RERE: variants seen among roughly 807,000 people sequenced by gnomAD.
RERE encodes arginine-glutamic acid dipeptide repeats protein.
In RERE, 40 loss-of-function variants were observed where a neutral mutation model predicts 146.1. The ratio of observed to expected loss-of-function variants is 0.27; its 90% CI spans 0.21 to 0.36. The LOEUF is 0.36. RERE is among the 10% of genes least tolerant of loss of function. RERE has a pLI of 1.00. For synonymous variants in RERE, 1,003 were observed against 866.0 expected (o/e 1.16, Z -2.78); for missense variants, 1,933 against 2,138.7 (o/e 0.90, Z 1.90).
intron 12 of RERE, among the ~76,000 whole-genome samples, chr1:8,406,147 G>A (rs970099167): frequency 4.6e-5 from 7 of 152,126 alleles, no homozygotes; most frequent in Non-Finnish European, 1.0e-4. Flanking sequence ...TCCCAGGCTG[G>A]AGCGCAGTGG....
chr1:8,443,459 GAAAAAAA>G (rs144499944), intron 11 of RERE, among the ~76,000 whole-genome samples: 36 of 112,780 alleles, frequency 3.2e-4, no homozygotes, highest in Non-Finnish European at 5.8e-4. Context: ...CTCAAAAAAA[GAAAAAAA>G]AAAAAAAAAA....
At chr1:8,553,059 C>T (rs1247954669) in intron 6 of RERE, among the ~76,000 whole-genome samples, 3 of 151,542 alleles carry the variant, frequency 2.0e-5, no homozygotes, top group East Asian at 3.9e-4. Context: ...CGTGACACAC[C>T]AGTAGGCCAG....
intron 1 of RERE, among the ~76,000 whole-genome samples, chr1:8,733,490 GCT>G (rs1172774081): frequency 6.6e-6 from 1 of 152,172 alleles, no homozygotes; most frequent in African/African-American, 2.4e-5. Context: ...CTTTCACCTT[GCT>G]CTTATATGAA....
intron 12 of RERE, among the ~76,000 whole-genome samples, chr1:8,388,758 T>C (rs1229640685): frequency 1.4e-5 from 2 of 145,598 alleles, no homozygotes; most frequent in South Asian, 2.2e-4. Context: ...GTCAAATATA[T>C]TCCAATTCTG....
intron 4 of RERE, among the ~76,000 whole-genome samples, chr1:8,587,141 C>A (rs111668520): frequency 6.6e-6 from 1 of 152,094 alleles, no homozygotes; most frequent in Non-Finnish European, 1.5e-5. Context: ...AACAGCAAGT[C>A]GAAAACCAGG....
intron 1 of RERE, among the ~76,000 whole-genome samples, chr1:8,731,776 GTTT>G (rs78465959): frequency 3.8e-4 from 56 of 146,798 alleles, no homozygotes; most frequent in African/African-American, 9.4e-4. Context: ...TAAACATAAT[GTTT>G]TTTTGTTTGT....
rs115134139 is a variant in RERE, at chr1:8,481,737, A to C, written c.1104+13326T>G. Among the ~76,000 whole-genome samples, 1,308 of 152,358 alleles carry C rather than the reference A, an allele frequency of 8.6e-3. 20 individuals are homozygous for C. Among genetic ancestry groups the C allele is most frequent in the African/African-American group, 0.03 (1,229 of 41,582 alleles). On this transcript the variant is annotated intron_variant, in intron 10 of 22. Coordinates refer to ENST00000400908, the MANE Select transcript of RERE (RefSeq NM_001042681.2). ...AGGTCCTATGACTGGCTCAAAATTC[A>C]GTGGAAAAGCTCAGGGTGGGAAAGA...
At chr1:8,535,174 A>C (rs1645709100) in intron 7 of RERE, among the ~76,000 whole-genome samples, 1 of 152,210 alleles carries the variant, frequency 6.6e-6, no homozygotes, top group Admixed American at 6.5e-5. Flanking sequence ...AATAACGCAA[A>C]CTGAGGGACA....
chr1:8,433,601 C>G (rs1243901524), intron 11 of RERE, among the ~76,000 whole-genome samples: 3 of 141,650 alleles, frequency 2.1e-5, no homozygotes, highest in African/African-American at 8.3e-5. Context: ...TCGCCCAGGT[C>G]GGACTGCGGA....
At chr1:8,615,756 T>G (rs775771787) in intron 3 of RERE, among the ~76,000 whole-genome samples, 1 of 152,076 alleles carries the variant, frequency 6.6e-6, no homozygotes, top group Non-Finnish European at 1.5e-5. Context: ...TTATCTATTT[T>G]TGTAAGTCTC....
intron 2 of RERE, among the ~76,000 whole-genome samples, chr1:8,635,942 T>C (rs568963137): frequency 2.0e-3 from 123 of 60,758 alleles, no homozygotes; most frequent in African/African-American, 5.7e-3. Flanking sequence ...CAATTATTAT[T>C]TTATTTTATC....
At chr1:8,701,285 A>AACACAC (rs1639441101) in intron 1 of RERE, among the ~76,000 whole-genome samples, 1 of 93,840 alleles carries the variant, frequency 1.1e-5, no homozygotes, top group African/African-American at 4.4e-5. Flanking sequence ...GGGTGAGGGG[A>AACACAC]ATACACACAC....
At chr1:8,414,902 T>A (rs541472241) in intron 12 of RERE, among the ~76,000 whole-genome samples, 8 of 152,290 alleles carry the variant, frequency 5.3e-5, no homozygotes, top group Non-Finnish European at 1.0e-4. Context: ...GCTGAGCAGC[T>A]GGGACTGAGA....
At chr1:8,525,909 C>T (rs2124353531) in intron 7 of RERE, 1 of 1,404,612 alleles carries the variant, frequency 7.1e-7, no homozygotes, top group Non-Finnish European at 9.3e-7. Context: ...CCTCATAGAG[C>T]TTTCACTGAG....
At chr1:8,408,302 T>C (rs1032161541) in intron 12 of RERE, among the ~76,000 whole-genome samples, 2 of 152,078 alleles carry the variant, frequency 1.3e-5, no homozygotes, top group Admixed American at 6.5e-5. Flanking sequence ...ACCAGAAACA[T>C]TTCTACTGTA....
At chr1:8,382,182 T>C (rs1557600892) in intron 12 of RERE, among the ~76,000 whole-genome samples, 1 of 152,272 alleles carries the variant, frequency 6.6e-6, no homozygotes, top group Non-Finnish European at 1.5e-5. Context: ...GGATTATGCC[T>C]GCAAGCTAGC....
chr1:8,807,391 G>GC (rs1431962695), intron 1 of RERE, among the ~76,000 whole-genome samples: 3 of 151,876 alleles, frequency 2.0e-5, no homozygotes, highest in East Asian at 1.9e-4. Flanking sequence ...CAGTTCCGCC[G>GC]CCCCCCACCC....
chr1:8,618,596 T>G (rs1321557955), intron 3 of RERE, among the ~76,000 whole-genome samples: 5 of 152,226 alleles, frequency 3.3e-5, no homozygotes, highest in Non-Finnish European at 7.3e-5. Flanking sequence ...ACACTACACC[T>G]TCTGTGCTAA....
In RERE at chr1:8,355,589, G is replaced by A; in HGVS notation, c.4497C>T (p.Tyr1499=). 1 of 1,577,920 alleles carries A rather than the reference G, an allele frequency of 6.3e-7. No homozygotes were observed. Among genetic ancestry groups the A allele is most frequent in the South Asian group, 1.1e-5 (1 of 87,344 alleles). Residue 1499 remains tyrosine, a synonymous_variant, in exon 22 of 23, where the codon TAC becomes TAT. Coordinates refer to ENST00000400908, the MANE Select transcript of RERE (RefSeq NM_001042681.2). ...GGATGGCCCCAGGCAGGTCACGGGG[G>A]TAGGGGGTGCCTGCCGAACACAAAA... ...MLRHPVFGTP[Y]PRDLPGAIPP... is the part of the protein sequence containing the mutation.
Sources: allele counts gnomAD v4.1 joint callset (sites outside exome capture counted in the v4.1 genomes callset), GRCh38; gene constraint gnomAD v4.1.1; transcripts MANE v1.5; gene names NCBI Gene and HGNC (gene_info 2026-07-23, HGNC 2026-07-21).